Variants in PABPC1 observed in about 807,000 individuals in gnomAD.
PABPC1 encodes the protein poly(A) binding protein cytoplasmic 1.
PABPC1 carries 4 observed loss-of-function variants against 74.0 expected under a neutral mutation model. The ratio of observed to expected loss-of-function variants is 0.05; its 90% CI spans 0.03 to 0.12. The LOEUF (loss-of-function observed/expected upper bound fraction) is 0.12, where lower values mean the gene tolerates loss of function less well. Among genes scored for constraint, PABPC1 ranks in the 10% least tolerant of loss-of-function variants. The pLI is 1.00. For missense variants in PABPC1, 271 were observed against 821.1 expected (o/e 0.33, Z 8.19); for synonymous variants, 227 against 264.1 (o/e 0.86, Z 1.36).
At position 100,721,309 on chromosome 8, in the gene PABPC1, C is replaced by T; in HGVS notation, c.193+82G>A. 1.4e-6 allele frequency: 1 copy of T among 711,028 alleles called. No homozygotes were observed. The highest frequency in any genetic ancestry group is 1.8e-6 in the Non-Finnish European group (1 of 553,052). 44.0% of individuals were successfully genotyped at this position (711,028 alleles called of 1,614,324 possible). Reference sequence around the variant, plus strand: ...GCCCTCCCGCCCCCCTCCCCGGGCCCGCCGGCCTACCCCGCCCGCCGCCGC... The same window carrying T: ...GCCCTCCCGCCCCCCTCCCCGGGCCTGCCGGCCTACCCCGCCCGCCGCCGC... On this transcript the variant is annotated intron_variant, in intron 1 of 14. Coordinates refer to ENST00000318607, the MANE Select transcript of PABPC1 (RefSeq NM_002568.4). The surrounding 1 kb of genome is among the most constrained non-coding windows in gnomAD (Gnocchi z 7.4).
Position 100,717,872 on chromosome 8 carries a change from T to C in PABPC1, c.404A>G (p.Asn135Ser), listed in dbSNP as rs2129749230. The C allele has an allele frequency of 1.2e-6, 2 of 1,612,318 alleles. No individual in the cohort carries two copies. Among genetic ancestry groups the C allele is most frequent in the Non-Finnish European group, 1.7e-6 (2 of 1,178,498 alleles). Reference sequence around the variant, plus strand: ...TACAAATCCATAGCCCTTGGAACCATTTTCATCACAAACCACCTAGGGAAA... The same window carrying C: ...TACAAATCCATAGCCCTTGGAACCACTTTCATCACAAACCACCTAGGGAAA... The part of the protein sequence containing the change: ...ILSCKVVCDE[N>S]GSKGYGFVHF... The change falls in exon 3 of 15, where the codon AAT becomes AGT. Residue 135 changes from asparagine (N) to serine (S), a missense_variant. Physicochemically the swap from Asn to Ser is conservative, Grantham distance 46. Transcript: ENST00000318607.
intron 3 of PABPC1, 91 bp from the exon 4 acceptor site, chr8:100,715,692 GAGAATATTC>G: frequency 1.2e-6 from 1 of 848,284 alleles, no homozygotes; most frequent in East Asian, 2.7e-5. Flanking sequence ...TACTGTTAAT[GAGAATATTC>G]AGAATCCCTA....
intron 13 of PABPC1, 119 bp from the exon 14 acceptor site, chr8:100,704,509 A>G: frequency 1.2e-6 from 1 of 857,748 alleles, no homozygotes; most frequent in Non-Finnish European, 1.9e-6. Context: ...GAAAGTATAA[A>G]TTGTTACACT....
In PABPC1 at chr8:100,721,330, G is replaced by C; in HGVS notation, c.193+61C>G. 1.4e-6 allele frequency: 1 copy of C among 735,112 alleles called. No individual in the cohort carries two copies. The highest frequency in any genetic ancestry group is 1.8e-6 in the Non-Finnish European group (1 of 569,404). 45.5% of individuals were successfully genotyped at this position (735,112 alleles called of 1,614,324 possible). A position where few individuals can be genotyped will look rare whatever the true frequency, so the allele number is the denominator to read the frequency against. On this transcript the variant is annotated intron_variant, in intron 1 of 14. Coordinates refer to ENST00000318607, the MANE Select transcript of PABPC1 (RefSeq NM_002568.4). This position sits in a 1 kb window ranked among gnomAD's most constrained non-coding sequence, Gnocchi z 7.4. ...GGCCCGCCGGCCTACCCCGCCCGCC[G>C]CCGCCGCCCGAGCCTCATGGCCGCC...
chr8:100,708,904 T>A lies in PABPC1; in HGVS notation c.1336+229A>T, dbSNP rs550935990. On this transcript the variant is annotated intron_variant, in intron 9 of 14. Coordinates refer to ENST00000318607, the MANE Select transcript of PABPC1 (RefSeq NM_002568.4). ...GAAAATAAATAAATAAATAAATAAA[T>A]AAAAAATGAAGAGCTGTACCTATTC... is the stretch of plus-strand genomic sequence containing the variant. 3.4e-5 allele frequency among the ~76,000 whole-genome samples: 5 copies of A among 146,090 alleles called. No individual in the cohort carries two copies. The East Asian group carries it at 5.8e-4, about 17-fold the overall frequency.
At chr8:100,714,829 C>T (rs1810624407) in intron 4 of PABPC1, among the ~76,000 whole-genome samples, 1 of 152,152 alleles carries the variant, frequency 6.6e-6, no homozygotes, top group Non-Finnish European at 1.5e-5. Context: ...TCAAGCAAAT[C>T]ATCTGCACAT....
chr8:100,707,030 G>A (rs1258131379), intron 9 of PABPC1, 33 bp from the exon 10 acceptor site: 1 of 1,449,680 alleles, frequency 6.9e-7, no homozygotes. Context: ...TACATTAACT[G>A]GGAAAACTTA....
At chr8:100,710,070 T>C (rs1020027459) in intron 7 of PABPC1, among the ~76,000 whole-genome samples, 6 of 152,234 alleles carry the variant, frequency 3.9e-5, no homozygotes, top group Non-Finnish European at 8.8e-5. Flanking sequence ...AAATTGACTT[T>C]TGGGCACCAC....
At position 100,709,161 on chromosome 8, in the gene PABPC1, G is replaced by A. The variant is rs775552346; in HGVS notation, c.1308C>T (p.Arg436=). 2 of 1,613,898 alleles carry A rather than the reference G, an allele frequency of 1.2e-6. No homozygotes were observed. The highest frequency in any genetic ancestry group is 1.7e-6 in the Non-Finnish European group (2 of 1,179,942). Residue 436 remains arginine, a synonymous_variant, in exon 9 of 15, where the codon CGC becomes CGT. Transcript: ENST00000318607. ...GAGGTCTGGCACCCTGAGCAGTCCA[G>A]CGAGGACTTGGTCTTAGTTGAGCAA... ...SQIAQLRPSP[R]WTAQGARPHP...
chr8:100,705,540 T>A (rs1225133733), intron 12 of PABPC1, 49 bp downstream of exon 12: 1 of 1,152,708 alleles, frequency 8.7e-7, no homozygotes, highest in African/African-American at 1.5e-5. Flanking sequence ...AAGTGATTCC[T>A]ATATTTTCTA....
At chr8:100,717,072 G>A (rs117889893) in intron 3 of PABPC1, among the ~76,000 whole-genome samples, 1,966 of 152,122 alleles carry the variant, frequency 0.013, 22 homozygotes, top group Middle Eastern at 0.034. Flanking sequence ...GTACAATGGC[G>A]AAATCTCGGT....
chr8:100,721,788 C>A lies in PABPC1; in HGVS notation c.-205G>T. On this transcript the variant is annotated 5_prime_UTR_variant, in exon 1 of 15. Coordinates refer to ENST00000318607, the MANE Select transcript of PABPC1 (RefSeq NM_002568.4). The surrounding 1 kb of genome is among the most constrained non-coding windows in gnomAD (Gnocchi z 7.4). ...CTGGCTGCCGGCTGCCGGCGGGGAGCGAGGGTGGCGGTGTCGGGTCCGGGC... is the reference window on the plus strand; with the variant it reads ...CTGGCTGCCGGCTGCCGGCGGGGAGAGAGGGTGGCGGTGTCGGGTCCGGGC... The A allele has an allele frequency of 2.3e-6, 1 of 440,542 alleles. No individual in the cohort carries two copies. The highest frequency in any genetic ancestry group is 4.0e-6 in the Non-Finnish European group (1 of 251,384). 27.3% of individuals were successfully genotyped at this position (440,542 alleles called of 1,614,324 possible).
rs756712950 is a variant in PABPC1 at position 100,721,380 on chromosome 8, C to T, written c.193+11G>A. On this transcript the variant is annotated intron_variant, in intron 1 of 14. Transcript: ENST00000318607. This position sits in a 1 kb window ranked among gnomAD's most constrained non-coding sequence, Gnocchi z 7.4. The stretch of plus-strand genomic sequence containing the variant: ...CCGCCCGCCCGGCCGACCGCGGAGC[C>T]CGGCGCTCACCGTCCGCCGGCTGCT... 2.0e-6 allele frequency: 3 copies of T among 1,504,426 alleles called. No homozygotes were observed. In the East Asian group the frequency reaches 8.1e-5, roughly 41 times the overall value. The allele number at this position is 1,504,426 out of a possible 1,614,324, so 93.2% of individuals were successfully genotyped here. A position where few individuals can be genotyped will look rare whatever the true frequency, so the allele number is the denominator to read the frequency against.
At chr8:100,715,221 A>G (rs574882759) in intron 4 of PABPC1, among the ~76,000 whole-genome samples, 1 of 152,104 alleles carries the variant, frequency 6.6e-6, no homozygotes, top group Non-Finnish European at 1.5e-5. Context: ...TTACTTAGTC[A>G]TACCTTACTG....
At chr8:100,716,279 T>C (rs995849712) in intron 3 of PABPC1, among the ~76,000 whole-genome samples, 1 of 152,160 alleles carries the variant, frequency 6.6e-6, no homozygotes, top group African/African-American at 2.4e-5. Flanking sequence ...TGTACACCTG[T>C]AATCCCACCT....
chr8:100,712,972 CA>C lies in PABPC1; in HGVS notation c.738+114del, dbSNP rs1427439168. On this transcript the variant is annotated intron_variant, in intron 5 of 14. Transcript: ENST00000318607. The stretch of plus-strand genomic sequence containing the variant: ...ACTCTCAAACCTAATGCATAAAATG[CA>C]AATAACTGAAAATATAAGAACATGT... 8 of 1,029,516 alleles carry C rather than the reference CA, an allele frequency of 7.8e-6. No individual in the cohort carries two copies. In the African/African-American group the frequency reaches 1.3e-4, roughly 17 times the overall value. The allele number at this position is 1,029,516 out of a possible 1,614,324, so 63.8% of individuals were successfully genotyped here.
chr8:100,712,300 C>T (rs1436865357), intron 7 of PABPC1, 62 bp downstream of exon 7: 13 of 931,758 alleles, frequency 1.4e-5, no homozygotes, highest in Admixed American at 4.7e-5. Flanking sequence ...AATTTATATA[C>T]ATATATCTAC....
In PABPC1 at chr8:100,706,798, T is replaced by C. The variant is rs770187135; in HGVS notation, c.1455A>G (p.Thr485=). The C allele has an allele frequency of 5.0e-6, 8 of 1,613,770 alleles. No individual in the cohort carries two copies. Among genetic ancestry groups the C allele is most frequent in the Admixed American group, 3.3e-5 (2 of 59,978 alleles). ...RVMSTQRVAN[T]STQTMGPRPA... ...GACGTGGACCCATTGTCTGTGTTGA[T>C]GTGTTAGCTAAAAAATAAGAACATT... The change falls in exon 11 of 15, where the codon ACA becomes ACG. Residue 485 remains threonine, a synonymous_variant. Transcript: ENST00000318607.
chr8:100,708,523 C>A (rs1028319423), intron 9 of PABPC1, among the ~76,000 whole-genome samples: 1 of 152,158 alleles, frequency 6.6e-6, no homozygotes, highest in African/African-American at 2.4e-5. Flanking sequence ...TAAAATACCA[C>A]GACTCTGATT....
Sources: allele counts gnomAD v4.1 joint callset (sites outside exome capture counted in the v4.1 genomes callset), GRCh38; gene constraint gnomAD v4.1.1; non-coding constraint Gnocchi (gnomAD v3.1); transcripts MANE v1.5; gene names NCBI Gene and HGNC (gene_info 2026-07-23, HGNC 2026-07-21).